UBR4: variants seen among roughly 807,000 people sequenced by gnomAD.
UBR4 encodes the protein E3 ubiquitin-protein ligase UBR4.
Under a neutral mutation model 575.6 loss-of-function variants are expected in UBR4, and 124 were observed. That is an observed-to-expected ratio of 0.22 (90% confidence interval 0.19 to 0.25). The LOEUF is 0.25. Among genes scored for constraint, UBR4 ranks in the 10% least tolerant of loss-of-function variants. The pLI is 1.00. For missense variants in UBR4, 4,818 were observed against 6,478.8 expected, an observed-to-expected ratio of 0.74 and a Z score of 8.80; for synonymous variants, 2,455 against 2,473.7, an observed-to-expected ratio of 0.99 and a Z score of 0.22.
intron 60 of UBR4, among the ~76,000 whole-genome samples, chr1:19,131,243 T>TAAAAAAA (rs869155620): frequency 9.7e-6 from 1 of 102,976 alleles, no homozygotes; most frequent in African/African-American, 3.7e-5. Flanking sequence ...TCTTGAAACT[T>TAAAAAAA]AAAAAAAAAA....
intron 39 of UBR4, among the ~76,000 whole-genome samples, chr1:19,159,595 C>A (rs1046908403): frequency 1.1e-4 from 17 of 151,842 alleles, no homozygotes; most frequent in African/African-American, 3.6e-4. Context: ...GATTCCCCAG[C>A]CCCACTCCTT....
At chr1:19,076,535 G>A in intron 105 of UBR4, among the ~76,000 whole-genome samples, 1 of 152,162 alleles carries the variant, frequency 6.6e-6, no homozygotes, top group Non-Finnish European at 1.5e-5. Context: ...GGAAAGAGGG[G>A]GTGCTCAGTA....
chr1:19,124,796 A>G, intron 64 of UBR4, 106 bp from the exon 65 acceptor site: 3 of 1,446,824 alleles, frequency 2.1e-6, no homozygotes, highest in Non-Finnish European at 2.8e-6. Flanking sequence ...GAGGTGGTAA[A>G]GGGTGCCTTT....
Position 19,157,682 on chromosome 1 carries a change from T to TAG in UBR4, c.5760+132_5760+133insCT, listed in dbSNP as rs1266079882. 8.7e-7 allele frequency: 1 copy of TAG among 1,151,206 alleles called. No homozygotes were observed. Among genetic ancestry groups the TAG allele is most frequent in the African/African-American group, 1.6e-5 (1 of 64,374 alleles). The allele number at this position is 1,151,206 out of a possible 1,614,324, so 71.3% of individuals were successfully genotyped here. On this transcript the variant is annotated intron_variant, in intron 40 of 105. Coordinates refer to ENST00000375254, the MANE Select transcript of UBR4 (RefSeq NM_020765.3). The surrounding 1 kb of genome is among the most constrained non-coding windows in gnomAD (Gnocchi z 4.4). ...TATTTGAAAAGCTCAACAAGATCTG[T>TAG]CCCTGAAGCATTCTTAGAACGCAGT...
At position 19,088,693 on chromosome 1, in the gene UBR4, G is replaced by A. The variant is rs1340662095; in HGVS notation, c.14430+66C>T. On this transcript the variant is annotated intron_variant, in intron 98 of 105. Transcript: ENST00000375254. This position sits in a 1 kb window ranked among gnomAD's most constrained non-coding sequence, Gnocchi z 4.0. ...TTTCCCCATGGCCAACCCCAGGGCT[G>A]TCCCATGGCCACCTCCTCATCAACA... 1.9e-6 allele frequency: 3 copies of A among 1,554,180 alleles called. No homozygotes were observed. The highest frequency in any genetic ancestry group is 2.7e-6 in the Non-Finnish European group (3 of 1,129,772).
intron 73 of UBR4, among the ~76,000 whole-genome samples, chr1:19,116,150 C>T (rs1196211138): frequency 6.6e-6 from 1 of 152,188 alleles, no homozygotes; most frequent in Non-Finnish European, 1.5e-5. Context: ...TGAGTACTTA[C>T]TATGTACTAG....
Position 19,177,550 on chromosome 1 carries a change from A to G in UBR4, c.2548T>C (p.Phe850Leu). ...AGGCGAGCCAAGATAAGCGGCACGA[A>G]GCGCATCTGAGCATCCATGTTGACG... ...LSVNMDAQMR[F>L]VPLILARLLL... The change falls in exon 19 of 106, where the codon TTC (phenylalanine) becomes CTC (leucine). Residue 850 changes from phenylalanine (F) to leucine (L), a missense_variant. Physicochemically the swap from Phe to Leu is conservative, Grantham distance 22. Around this residue, in one of 29 missense-constraint regions of UBR4, gnomAD observed 1,172 missense variants for 1,259.7 expected, o/e 0.93. Transcript: ENST00000375254. 1 of 1,614,122 alleles carries G rather than the reference A, an allele frequency of 6.2e-7. No homozygotes were observed. The highest frequency in any genetic ancestry group is 1.1e-5 in the South Asian group (1 of 91,074).
rs1557440472 is a variant in UBR4 at position 19,074,838 on chromosome 1, GAC to G, written c.15544_15545del (p.Val5182ProfsTer28). ...CGCAGCTGCTGTGTGGTGGTCAGGG[GAC>G]TGAGTTCAACAGGTCCTTCAGGAAG... ...ESFLKDLLNS[V>X]P On this transcript the variant is annotated frameshift_variant, in exon 106 of 106. Coordinates refer to ENST00000375254, the MANE Select transcript of UBR4 (RefSeq NM_020765.3). LOFTEE classifies it high-confidence loss of function. 6.2e-7 allele frequency: 1 copy of G among 1,614,108 alleles called. No individual in the cohort carries two copies. Among genetic ancestry groups the G allele is most frequent in the South Asian group, 1.1e-5 (1 of 91,046 alleles).
At chr1:19,165,793 AAGACC>A in intron 29 of UBR4, 36 bp from the exon 30 acceptor site, 1 of 1,552,702 alleles carries the variant, frequency 6.4e-7, no homozygotes, top group Non-Finnish European at 8.8e-7. Flanking sequence ...CACCAGTATT[AAGACC>A]TGTTTCAATG....
intron 11 of UBR4, among the ~76,000 whole-genome samples, chr1:19,190,312 A>AAAAAAAAAAATATATATATATATAT: frequency 1.3e-5 from 1 of 79,922 alleles, no homozygotes; most frequent in African/African-American, 5.3e-5. Context: ...AAAAAAAAAA[A>AAAAAAAAAAATATATATATATATAT]ATATATATAT....
chr1:19,207,485 C>A (rs1236439078), intron 1 of UBR4, among the ~76,000 whole-genome samples: 1 of 152,050 alleles, frequency 6.6e-6, no homozygotes, highest in Admixed American at 6.5e-5. Flanking sequence ...AAAAATTAGC[C>A]GGGTCTGGTG....
chr1:19,122,350 G>A (rs768957442), intron 66 of UBR4, among the ~76,000 whole-genome samples: 1 of 152,166 alleles, frequency 6.6e-6, no homozygotes, highest in Non-Finnish European at 1.5e-5. Flanking sequence ...GATATATAAC[G>A]ATAAGCAAGA....
intron 102 of UBR4, 99 bp downstream of exon 102, chr1:19,084,405 G>A: frequency 1.5e-6 from 2 of 1,300,808 alleles, no homozygotes; most frequent in Admixed American, 2.1e-5. Context: ...GCTTGCTCCG[G>A]AACTAGCATG....
intron 31 of UBR4, 32 bp from the exon 32 acceptor site, chr1:19,165,029 A>T (rs979766395): frequency 4.3e-6 from 7 of 1,610,180 alleles, no homozygotes; most frequent in Non-Finnish European, 5.9e-6. Context: ...AGGGTCAGTA[A>T]AGAAGGGCAA....
rs1236979778 is a variant in UBR4, at chr1:19,076,865, C to A, written c.15362G>T (p.Cys5121Phe). 1.9e-6 allele frequency: 3 copies of A among 1,599,228 alleles called. No homozygotes were observed. ...PTSNTEGGWS[C>F]SLAEYIRHND... Reference sequence around the variant, plus strand: ...GTGGCGGATGTACTCAGCGAGAGAGCAGGACCAGCCTCCCTCTGTGTTACT... The same window carrying A: ...GTGGCGGATGTACTCAGCGAGAGAGAAGGACCAGCCTCCCTCTGTGTTACT... Residue 5121 changes from cysteine to phenylalanine, a missense_variant, in exon 105 of 106, where the codon TGC (cysteine) becomes TTC (phenylalanine). By Grantham distance (205) the Cys-to-Phe change is radical. Around this residue, in one of 29 missense-constraint regions of UBR4, gnomAD observed 212 missense variants for 221.3 expected, o/e 0.96. Coordinates refer to ENST00000375254, the MANE Select transcript of UBR4 (RefSeq NM_020765.3).
At chr1:19,193,177 A>C (rs1201362758) in intron 9 of UBR4, among the ~76,000 whole-genome samples, 1 of 152,262 alleles carries the variant, frequency 6.6e-6, no homozygotes, top group Non-Finnish European at 1.5e-5. Flanking sequence ...GACACACAGT[A>C]GGCCCTCAAA....
intron 20 of UBR4, among the ~76,000 whole-genome samples, chr1:19,175,677 C>G (rs765834912): frequency 1.3e-5 from 2 of 152,108 alleles, no homozygotes; most frequent in Non-Finnish European, 2.9e-5. Flanking sequence ...TACATTAGAA[C>G]CACAACTCTA....
Position 19,157,057 on chromosome 1 carries a change from A to C in UBR4, c.5761-132T>G, listed in dbSNP as rs978203785. 3.9e-6 allele frequency: 4 copies of C among 1,033,772 alleles called. No homozygotes were observed. In the African/African-American group the frequency reaches 4.9e-5, roughly 13 times the overall value. The allele number at this position is 1,033,772 out of a possible 1,614,324, so 64.0% of individuals were successfully genotyped here. A position where few individuals can be genotyped will look rare whatever the true frequency, so the allele number is the denominator to read the frequency against. On this transcript the variant is annotated intron_variant, in intron 40 of 105. Coordinates refer to ENST00000375254, the MANE Select transcript of UBR4 (RefSeq NM_020765.3). This position sits in a 1 kb window ranked among gnomAD's most constrained non-coding sequence, Gnocchi z 4.4. ...TCTTTACAGATAAGTCTAGTAGAAA[A>C]TCCTAGATCAGTATTAGTCTCTATT...
intron 73 of UBR4, among the ~76,000 whole-genome samples, chr1:19,116,136 T>C (rs1227344403): frequency 6.6e-6 from 1 of 152,228 alleles, no homozygotes; most frequent in East Asian, 1.9e-4. Flanking sequence ...GAGCTAATAT[T>C]TACTGAGTAC....
Sources: allele counts gnomAD v4.1 joint callset (sites outside exome capture counted in the v4.1 genomes callset), GRCh38; gene constraint gnomAD v4.1.1; regional missense constraint gnomAD v4.1.1; non-coding constraint Gnocchi (gnomAD v3.1); transcripts MANE v1.5; gene names NCBI Gene and HGNC (gene_info 2026-07-23, HGNC 2026-07-21).